The following CTPS2 variants were observed in gnomAD, a reference collection of about 807,000 sequenced individuals.
CTPS2 encodes CTP synthase II.
A neutral mutation model predicts 46.8 loss-of-function variants in CTPS2; 19 were observed. That is an observed-to-expected ratio of 0.41 (90% confidence interval 0.28 to 0.60). The LOEUF is 0.60. CTPS2 is among the 20% of genes least tolerant of loss of function. CTPS2 has a pLI of 0.35. For missense variants in CTPS2, 286 were observed against 447.6 expected (o/e 0.64, Z 3.26); for synonymous variants, 151 against 165.2 (o/e 0.91, Z 0.66).
chrX:16,608,566 C>A (rs773663225), intron 17 of CTPS2, among the ~76,000 whole-genome samples: 19 of 111,853 alleles, frequency 1.7e-4, no homozygotes, highest in Non-Finnish European at 3.2e-4. Flanking sequence ...TGCACTCCAG[C>A]CTGGGTGACA....
chrX:16,685,130 A>T (rs191028800), intron 8 of CTPS2, among the ~76,000 whole-genome samples: 1 of 111,592 alleles, frequency 9.0e-6, no homozygotes. Flanking sequence ...AAGCAGGATG[A>T]CAGCACACCA....
intron 13 of CTPS2, among the ~76,000 whole-genome samples, chrX:16,667,133 C>T (rs1314454724): frequency 2.1e-5 from 2 of 96,215 alleles, no homozygotes; most frequent in Admixed American, 2.3e-4. Context: ...AGACCCCCCC[C>T]CGCCTTTTTT....
chrX:16,650,419 T>A (rs1287783720), intron 13 of CTPS2, among the ~76,000 whole-genome samples: 7 of 110,788 alleles, frequency 6.3e-5, no homozygotes, highest in Admixed American at 3.9e-4. Flanking sequence ...GTGTAGAATG[T>A]CATTAATTAC....
chrX:16,649,755 T>A (rs944721922), intron 13 of CTPS2, among the ~76,000 whole-genome samples: 1 of 112,449 alleles, frequency 8.9e-6, no homozygotes, highest in African/African-American at 3.2e-5. Flanking sequence ...CCTCCCAAAG[T>A]GCTGGGATTA....
intron 8 of CTPS2, among the ~76,000 whole-genome samples, chrX:16,688,223 C>A (rs2147348966): frequency 9.0e-6 from 1 of 110,706 alleles, no homozygotes; most frequent in South Asian, 3.8e-4. Context: ...CATGGTGAAA[C>A]CCCCGTCTCT....
chrX:16,594,033 A>G (rs1227225058), intron 17 of CTPS2, among the ~76,000 whole-genome samples: 1 of 111,719 alleles, frequency 9.0e-6, no homozygotes, highest in Non-Finnish European at 1.9e-5. Flanking sequence ...TCAACTTCCT[A>G]TCTGAGATGA....
chrX:16,603,346 G>T (rs1434439511), intron 17 of CTPS2, among the ~76,000 whole-genome samples: 30 of 109,126 alleles, frequency 2.7e-4, no homozygotes, highest in Non-Finnish European at 3.8e-5. Flanking sequence ...AACCCGGGAG[G>T]CAGAGATTGC....
chrX:16,625,912 G>A (rs1931112872), intron 14 of CTPS2, among the ~76,000 whole-genome samples: 1 of 111,382 alleles, frequency 9.0e-6, no homozygotes, highest in Non-Finnish European at 1.9e-5. Flanking sequence ...GTACAGGATA[G>A]GGGGCATGGC....
intron 13 of CTPS2, among the ~76,000 whole-genome samples, chrX:16,639,777 AAAAGAAAGAAAGAAAGAAAGAAAGAAAG>A (rs10682704): frequency 6.9e-5 from 5 of 72,675 alleles, no homozygotes; most frequent in Admixed American, 5.1e-4. Context: ...AAAGGAAAAG[AAAAGAAAGAAAGAAAGAAAGAAAGAAAG>A]AAAGAAAGAA....
At chrX:16,639,629 C>G (rs1285199979) in intron 13 of CTPS2, among the ~76,000 whole-genome samples, 1 of 109,365 alleles carries the variant, frequency 9.1e-6, no homozygotes, top group Non-Finnish European at 1.9e-5. Context: ...CCAGTGCATT[C>G]CCTAAAGATT....
At chrX:16,606,733 A>G (rs1409323047) in intron 17 of CTPS2, among the ~76,000 whole-genome samples, 1 of 110,840 alleles carries the variant, frequency 9.0e-6, no homozygotes, top group Non-Finnish European at 1.9e-5. Flanking sequence ...AGTCACTAGC[A>G]ATCAGTCAGT....
chrX:16,610,453 T>C (rs777270519), intron 16 of CTPS2, among the ~76,000 whole-genome samples: 5 of 111,403 alleles, frequency 4.5e-5, no homozygotes, highest in Non-Finnish European at 7.5e-5. Flanking sequence ...ACTACAGTAA[T>C]AAGGAAATGA....
At chrX:16,636,519 G>A (rs1239266126) in intron 14 of CTPS2, among the ~76,000 whole-genome samples, 3 of 112,599 alleles carry the variant, frequency 2.7e-5, no homozygotes, top group African/African-American at 9.7e-5. Flanking sequence ...GCCAGGGGCT[G>A]GCGGGAAGTA....
chrX:16,679,208 A>T (rs1385922356), intron 9 of CTPS2, among the ~76,000 whole-genome samples: 2 of 110,349 alleles, frequency 1.8e-5, no homozygotes, highest in Non-Finnish European at 3.8e-5. Flanking sequence ...AAATATAAAA[A>T]TTAGCCAGGC....
chrX:16,705,143 T>C (rs765282656), intron 1 of CTPS2, among the ~76,000 whole-genome samples: 3 of 98,931 alleles, frequency 3.0e-5, no homozygotes, highest in Non-Finnish European at 4.1e-5. Flanking sequence ...AAAATTACTC[T>C]AAAAAAAAAA....
chrX:16,682,181 C>G (rs1173013330), intron 9 of CTPS2, among the ~76,000 whole-genome samples: 1 of 112,548 alleles, frequency 8.9e-6, no homozygotes, highest in East Asian at 2.8e-4. Flanking sequence ...CTTAAACCTA[C>G]ATGTAGAAAA....
rs540167293 is a variant in CTPS2, at chrX:16,672,781, CCT to C, written c.1095-2109_1095-2108del. Among the ~76,000 whole-genome samples, 8 of 102,762 alleles carry C rather than the reference CCT, an allele frequency of 7.8e-5. No homozygotes were observed. The South Asian group carries it at 1.4e-3, about 18-fold the overall frequency. 89.2% of individuals were successfully genotyped at this position (102,762 alleles called of 115,157 possible). A position where few individuals can be genotyped will look rare whatever the true frequency, so the allele number is the denominator to read the frequency against. On this transcript the variant is annotated intron_variant, in intron 10 of 18. Coordinates refer to ENST00000359276, the MANE Select transcript of CTPS2 (RefSeq NM_175859.3). ...AATTTCTTACCAGTCAGACTTCTGG[CCT>C]CTCTCTCTCTCTGTGCAAATTGGTT...
chrX:16,644,585 A>G (rs1932224786), intron 13 of CTPS2, among the ~76,000 whole-genome samples: 1 of 111,843 alleles, frequency 8.9e-6, no homozygotes, highest in Non-Finnish European at 1.9e-5. Context: ...AGACTGGAAG[A>G]TGCTATGCTG....
At position 16,601,355 on chromosome X, in the gene CTPS2, C is replaced by T. The variant is rs745974699; in HGVS notation, c.1691+8186G>A. On this transcript the variant is annotated intron_variant, in intron 17 of 18. Transcript: ENST00000359276. ...TGCAATTCACCTAATAATTCACCTC[C>T]GATTCGCCACCTTGTCACCTCCGAT... Among the ~76,000 whole-genome samples, 12 of 110,840 alleles carry T rather than the reference C, an allele frequency of 1.1e-4. No individual in the cohort carries two copies. The South Asian group carries it at 4.7e-3, about 43-fold the overall frequency.
Sources: allele counts gnomAD v4.1 joint callset (sites outside exome capture counted in the v4.1 genomes callset), GRCh38; gene constraint gnomAD v4.1.1; transcripts MANE v1.5; gene names NCBI Gene and HGNC (gene_info 2026-07-23, HGNC 2026-07-21).